RPH3A: variants seen among roughly 807,000 people sequenced by gnomAD.
The protein encoded by RPH3A is rabphilin 3A, also known as rabphilin-3A.
A neutral mutation model predicts 102.2 loss-of-function variants in RPH3A; 48 were observed. The ratio of observed to expected loss-of-function variants is 0.47; its 90% confidence interval spans 0.37 to 0.60. The LOEUF (loss-of-function observed/expected upper bound fraction) is 0.60. Ranked by LOEUF, RPH3A falls within the 20% of genes least tolerant of loss-of-function variation. The pLI is 0.00. For synonymous variants in RPH3A, 310 were observed against 324.3 expected (o/e 0.96, Z 0.47); for missense variants, 781 against 910.1 (o/e 0.86, Z 1.83).
chr12:112,794,237 C>T (rs1286095111), intron 2 of RPH3A, among the ~76,000 whole-genome samples: 1 of 152,202 alleles, frequency 6.6e-6, no homozygotes, highest in Admixed American at 6.5e-5. Flanking sequence ...GCCTCAGCTT[C>T]CCCATCTATG....
At chr12:112,829,248 G>C (rs1222666518) in intron 3 of RPH3A, among the ~76,000 whole-genome samples, 1 of 151,904 alleles carries the variant, frequency 6.6e-6, no homozygotes, top group Non-Finnish European at 1.5e-5. Context: ...AGTTGTTGTG[G>C]CTTGCCCAAA....
chr12:112,603,327 A>T (rs763700376), intron 1 of RPH3A, among the ~76,000 whole-genome samples: 4 of 152,200 alleles, frequency 2.6e-5, no homozygotes, highest in Non-Finnish European at 4.4e-5. Flanking sequence ...AAGGGATCTC[A>T]TTCCAGACCC....
At chr12:112,645,422 ATCT>A (rs1460030711) in intron 1 of RPH3A, among the ~76,000 whole-genome samples, 31 of 152,168 alleles carry the variant, frequency 2.0e-4, no homozygotes, top group South Asian at 1.9e-3. Flanking sequence ...CACATTATGG[ATCT>A]TCTCAGTTTA....
chr12:112,609,901 A>G (rs560434231), intron 1 of RPH3A, among the ~76,000 whole-genome samples: 1 of 152,336 alleles, frequency 6.6e-6, no homozygotes, highest in South Asian at 2.1e-4. Flanking sequence ...CTCCCAAAGC[A>G]TGCCTTGAAC....
At chr12:112,831,485 C>T (rs890281222) in intron 3 of RPH3A, among the ~76,000 whole-genome samples, 5 of 152,166 alleles carry the variant, frequency 3.3e-5, no homozygotes, top group East Asian at 1.9e-4. Context: ...TACCTACATA[C>T]GACTCTTCTC....
intron 1 of RPH3A, among the ~76,000 whole-genome samples, chr12:112,612,147 C>A (rs749559497): frequency 6.6e-6 from 1 of 152,218 alleles, no homozygotes; most frequent in Admixed American, 6.5e-5. Flanking sequence ...AATAACTCAG[C>A]CCCGCCTGTC....
Position 112,868,428 on chromosome 12 carries a change from A to G in RPH3A, c.445-2A>G. 3 of 1,613,226 alleles carry G rather than the reference A, an allele frequency of 1.9e-6. No homozygotes were observed. Among genetic ancestry groups the G allele is most frequent in the South Asian group, 1.1e-5 (1 of 91,020 alleles). On this transcript the variant is annotated splice_acceptor_variant, in intron 7 of 21. Transcript: ENST00000389385. LOFTEE classifies it high-confidence loss of function. ...CTTCAATCCCTGTCTCTCCTCCCCAAGGTGTGGAAGCGTTCTGGAGCGTGG... is the reference window on the plus strand; with the variant it reads ...CTTCAATCCCTGTCTCTCCTCCCCAGGGTGTGGAAGCGTTCTGGAGCGTGG...
intron 2 of RPH3A, among the ~76,000 whole-genome samples, chr12:112,821,705 G>T (rs2041782685): frequency 6.6e-6 from 1 of 151,970 alleles, no homozygotes; most frequent in Non-Finnish European, 1.5e-5. Flanking sequence ...TTTCTCTAAA[G>T]CACTCATCAC....
chr12:112,735,367 G>T (rs116698323), intron 1 of RPH3A, among the ~76,000 whole-genome samples: 1 of 152,162 alleles, frequency 6.6e-6, no homozygotes, highest in Non-Finnish European at 1.5e-5. Flanking sequence ...GGGGAGAGAA[G>T]CTTAGAAACT....
chr12:112,791,899 A>AGAGAGAGAGAGAGAGAGAGAGAGG lies in RPH3A; in HGVS notation c.-247_-246insGAGAGAGAGAGAGAGAGGGAGAGA, dbSNP rs1555209151. 22 of 150,700 alleles carry AGAGAGAGAGAGAGAGAGAGAGAGG rather than the reference A, an allele frequency of 1.5e-4. No homozygotes were observed. The highest frequency in any genetic ancestry group is 3.7e-4 in the African/African-American group (15 of 41,050). 9.3% of individuals were successfully genotyped at this position (150,700 alleles called of 1,614,324 possible). Reference sequence around the variant, plus strand: ...GAGAGAGAGAGAGAGAGAGAGAGAGAGAGAGACTCACAGAGCTAAAACCTT... The same window carrying AGAGAGAGAGAGAGAGAGAGAGAGG: ...GAGAGAGAGAGAGAGAGAGAGAGAGAGAGAGAGAGAGAGAGAGAGAGAGGGAGAGACTCACAGAGCTAAAACCTT... On this transcript the variant is annotated 5_prime_UTR_variant, in exon 1 of 22. Coordinates refer to ENST00000389385, the MANE Select transcript of RPH3A (RefSeq NM_001143854.2).
chr12:112,755,226 G>A (rs957783468), intron 1 of RPH3A, among the ~76,000 whole-genome samples: 4 of 151,630 alleles, frequency 2.6e-5, no homozygotes, highest in Admixed American at 2.0e-4. Flanking sequence ...CCTAGTCCAG[G>A]GGGTCATTGT....
rs139246605 is a variant in RPH3A at position 112,654,885 on chromosome 12, G to A, written c.-140+79566G>A. The stretch of plus-strand genomic sequence containing the variant: ...ACCAATAAAAGGAGTATGTGTGGGA[G>A]CATTATCAACACTAAGCAAAATCGT... On this transcript the variant is annotated intron_variant, in intron 1 of 21. Coordinates refer to the RPH3A transcript ENST00000543106. Among the ~76,000 whole-genome samples the A allele has an allele frequency of 1.5e-3, 229 of 152,284 alleles. 1 individual carries two copies. The highest frequency in any genetic ancestry group is 5.2e-3 in the African/African-American group (218 of 41,560).
intron 1 of RPH3A, among the ~76,000 whole-genome samples, chr12:112,764,701 T>TTATTATTA (rs1565873636): frequency 2.1e-4 from 31 of 150,846 alleles, no homozygotes; most frequent in African/African-American, 7.7e-4. Context: ...TATTATTATT[T>TTATTATTA]TTTTGCAATG....
At chr12:112,817,414 G>C (rs2041695332) in intron 2 of RPH3A, among the ~76,000 whole-genome samples, 1 of 151,948 alleles carries the variant, frequency 6.6e-6, no homozygotes, top group Non-Finnish European at 1.5e-5. Context: ...CAGCCTTCAA[G>C]GTCCAGCCCA....
intron 1 of RPH3A, among the ~76,000 whole-genome samples, chr12:112,619,298 GTT>G (rs1555278663): frequency 1.5e-5 from 2 of 132,308 alleles, no homozygotes; most frequent in Non-Finnish European, 3.2e-5. Flanking sequence ...GTGTGTGTGT[GTT>G]TTGAGATGGA....
At chr12:112,774,251 T>A (rs2040949110) in intron 1 of RPH3A, among the ~76,000 whole-genome samples, 1 of 152,086 alleles carries the variant, frequency 6.6e-6, no homozygotes. Flanking sequence ...GGATTAAAAT[T>A]TTACAAATAA....
intron 1 of RPH3A, among the ~76,000 whole-genome samples, chr12:112,749,367 T>C (rs2040770560): frequency 6.6e-6 from 1 of 152,192 alleles, no homozygotes; most frequent in African/African-American, 2.4e-5. Flanking sequence ...TGGGCTTGCA[T>C]TAACTGAGTA....
Position 112,849,697 on chromosome 12 carries a change from C to T in RPH3A, c.230+1855C>T, listed in dbSNP as rs369821965. Among the ~76,000 whole-genome samples the T allele has an allele frequency of 4.6e-5, 7 of 152,250 alleles. No individual in the cohort carries two copies. The East Asian group carries it at 9.6e-4, about 21-fold the overall frequency. The stretch of plus-strand genomic sequence containing the variant: ...ACTGCCATATTCCCAAAGCCTGGTA[C>T]ATAATAGGTGCACAGCAAAATATTT... On this transcript the variant is annotated intron_variant, in intron 5 of 21. Transcript: ENST00000389385.
intron 1 of RPH3A, among the ~76,000 whole-genome samples, chr12:112,675,947 T>G (rs1162240841): frequency 6.6e-6 from 1 of 152,118 alleles, no homozygotes; most frequent in African/African-American, 2.4e-5. Flanking sequence ...TGTCACTCCC[T>G]GAGGCTTGTG....
Sources: gnomAD v4.1 joint callset for allele counts (sites outside exome capture counted in the v4.1 genomes callset) on GRCh38, gnomAD v4.1.1 for gene constraint, MANE v1.5 for transcripts, NCBI Gene and HGNC (gene_info 2026-07-23, HGNC 2026-07-21) for gene names.